LRP1B: variants seen among roughly 807,000 people sequenced by gnomAD.
LRP1B encodes the protein low-density lipoprotein receptor-related protein 1B.
A neutral mutation model predicts 556.6 loss-of-function variants in LRP1B; 217 were observed. The observed-to-expected ratio is 0.39, with a 90% confidence interval of 0.35 to 0.44. LRP1B has a LOEUF of 0.44. LRP1B is among the 20% of genes least tolerant of loss of function. The pLI, the probability that LRP1B is intolerant of heterozygous loss-of-function variation, is 1.00. For synonymous variants in LRP1B, 2,047 were observed against 1,865.8 expected, an observed-to-expected ratio of 1.10 and a Z score of -2.50; for missense variants, 5,053 against 5,620.8, an observed-to-expected ratio of 0.90 and a Z score of 3.23.
intron 7 of LRP1B, among the ~76,000 whole-genome samples, chr2:141,175,927 T>C (rs1053329158): frequency 6.6e-6 from 1 of 152,082 alleles, no homozygotes; most frequent in Non-Finnish European, 1.5e-5. Flanking sequence ...ATGCAAGACA[T>C]GGAGTCAAAG....
At chr2:140,964,470 C>G (rs558040050) in intron 18 of LRP1B, among the ~76,000 whole-genome samples, 3 of 152,074 alleles carry the variant, frequency 2.0e-5, no homozygotes, top group African/African-American at 7.2e-5. Flanking sequence ...CATTTTGCTA[C>G]GGCTGGACCA....
At chr2:140,343,492 T>C (rs898598424) in intron 77 of LRP1B, among the ~76,000 whole-genome samples, 7 of 151,652 alleles carry the variant, frequency 4.6e-5, no homozygotes, top group Non-Finnish European at 7.4e-5. Context: ...AAACGAATTA[T>C]GTATCTCAAA....
chr2:141,021,928 G>T (rs1170843377), intron 11 of LRP1B, among the ~76,000 whole-genome samples: 2 of 151,696 alleles, frequency 1.3e-5, no homozygotes, highest in African/African-American at 4.8e-5. Flanking sequence ...GTTCATGTTA[G>T]TTTTTATTAA....
chr2:141,451,495 A>G (rs1238777933), intron 3 of LRP1B, among the ~76,000 whole-genome samples: 2 of 152,186 alleles, frequency 1.3e-5, no homozygotes, highest in Non-Finnish European at 1.5e-5. Context: ...TTGAATGCCT[A>G]TTACTCCTCA....
At position 140,303,020 on chromosome 2, in the gene LRP1B, TATATA is replaced by T. The variant is rs1558784670; in HGVS notation, c.12806-5056_12806-5052del. ...CAATTATAAATCTCCTTCATATATA[TATATA>T]TATATATATATATATATATATATAT... On this transcript the variant is annotated intron_variant, in intron 83 of 90. Transcript: ENST00000389484. Among the ~76,000 whole-genome samples, 293 of 97,874 alleles carry T rather than the reference TATATA, an allele frequency of 3.0e-3. 4 individuals carry two copies. The highest frequency in any genetic ancestry group is 9.4e-3 in the Middle Eastern group (2 of 212). 64.2% of individuals were successfully genotyped at this position (97,874 alleles called of 152,430 possible).
At chr2:141,730,980 T>C (rs1428947308) in intron 2 of LRP1B, among the ~76,000 whole-genome samples, 1 of 152,054 alleles carries the variant, frequency 6.6e-6, no homozygotes, top group African/African-American at 2.4e-5. Flanking sequence ...TACGAAACAA[T>C]AACTTCAAGG....
chr2:140,820,248 G>A (rs937634669), intron 31 of LRP1B, among the ~76,000 whole-genome samples: 6 of 152,136 alleles, frequency 3.9e-5, no homozygotes, highest in African/African-American at 1.2e-4. Context: ...TCAAAGTACT[G>A]GAATTACAGG....
At chr2:140,529,411 C>T (rs961853705) in intron 47 of LRP1B, among the ~76,000 whole-genome samples, 2 of 140,550 alleles carry the variant, frequency 1.4e-5, no homozygotes, top group African/African-American at 2.8e-5. Flanking sequence ...TTACCCAACT[C>T]GTAGCAAAGG....
chr2:141,492,705 G>A (rs1460391963), intron 2 of LRP1B, among the ~76,000 whole-genome samples: 4 of 152,190 alleles, frequency 2.6e-5, no homozygotes, highest in South Asian at 2.1e-4. Flanking sequence ...TGCGAGACAC[G>A]GTGATTTTTA....
At chr2:141,836,815 G>T (rs1467797467) in intron 1 of LRP1B, among the ~76,000 whole-genome samples, 2 of 151,818 alleles carry the variant, frequency 1.3e-5, no homozygotes, top group Non-Finnish European at 2.9e-5. Flanking sequence ...CTAACAGTAG[G>T]TAATTTTTGG....
rs988245019 is a variant in LRP1B at position 141,836,773 on chromosome 2, C to T, written c.83-26372G>A. Among the ~76,000 whole-genome samples the T allele has an allele frequency of 3.3e-5, 5 of 151,848 alleles. No homozygotes were observed. The South Asian group carries it at 1.0e-3, about 31-fold the overall frequency. On this transcript the variant is annotated intron_variant, in intron 1 of 90. Coordinates refer to ENST00000389484, the MANE Select transcript of LRP1B (RefSeq NM_018557.3). ...CATCTTGTTAGAAAAATATCTAAGC[C>T]GTTTGGTGAAATTTATTAAAAATGT...
At chr2:140,862,205 T>C (rs72988161) in intron 27 of LRP1B, among the ~76,000 whole-genome samples, 14,139 of 152,120 alleles carry the variant, frequency 0.093, 1,173 homozygotes, top group African/African-American at 0.22. Context: ...TTAAGTGAAG[T>C]GTCTGCAAAT....
At chr2:141,821,674 C>T (rs924153091) in intron 1 of LRP1B, among the ~76,000 whole-genome samples, 2 of 151,986 alleles carry the variant, frequency 1.3e-5, no homozygotes, top group African/African-American at 4.8e-5. Flanking sequence ...TAATGTCCTT[C>T]ACCAAAAAAA....
intron 1 of LRP1B, among the ~76,000 whole-genome samples, chr2:142,048,485 A>G (rs1704333487): frequency 6.6e-6 from 1 of 152,078 alleles, no homozygotes; most frequent in Non-Finnish European, 1.5e-5. Flanking sequence ...AGAAAGAGTG[A>G]AACTCTTTCT....
At chr2:142,082,393 T>C (rs146905505) in intron 1 of LRP1B, among the ~76,000 whole-genome samples, 2 of 152,300 alleles carry the variant, frequency 1.3e-5, no homozygotes, top group African/African-American at 4.8e-5. Context: ...TTATACCAAG[T>C]ATTATCATTG....
intron 11 of LRP1B, 37 bp from the exon 12 acceptor site, chr2:141,020,139 T>C (rs1195561444): frequency 2.2e-6 from 3 of 1,379,850 alleles, no homozygotes; most frequent in South Asian, 1.8e-5. Context: ...AAATTGCTTT[T>C]ACAACTATAG....
intron 34 of LRP1B, 83 bp from the exon 35 acceptor site, chr2:140,769,427 T>G (rs1689228355): frequency 7.5e-7 from 1 of 1,340,244 alleles, no homozygotes; most frequent in Admixed American, 2.5e-5. Context: ...TTGTATTATT[T>G]TTAACAATCT....
intron 5 of LRP1B, among the ~76,000 whole-genome samples, chr2:141,239,191 T>A (rs1282866295): frequency 6.6e-6 from 1 of 152,076 alleles, no homozygotes. Context: ...ATTTCAAGAT[T>A]GTGCTGCTTT....
At chr2:141,151,366 A>G (rs1001750181) in intron 7 of LRP1B, among the ~76,000 whole-genome samples, 6 of 152,214 alleles carry the variant, frequency 3.9e-5, no homozygotes, top group African/African-American at 1.4e-4. Flanking sequence ...CCATGCAGGC[A>G]TATCTAATAC....
Sources: gnomAD v4.1 joint callset for allele counts (sites outside exome capture counted in the v4.1 genomes callset) on GRCh38, gnomAD v4.1.1 for gene constraint, MANE v1.5 for transcripts, NCBI Gene and HGNC (gene_info 2026-07-23, HGNC 2026-07-21) for gene names.